The following CRPPA variants were observed in gnomAD, a reference collection of about 807,000 sequenced individuals.
CRPPA encodes CDP-L-ribitol pyrophosphorylase A, also known as D-ribitol-5-phosphate cytidylyltransferase.
Under a neutral mutation model 52.0 loss-of-function variants are expected in CRPPA, and 43 were observed. That is an observed-to-expected ratio of 0.83 (90% CI 0.65 to 1.07). The LOEUF (loss-of-function observed/expected upper bound fraction) is 1.07. CRPPA is among the 50% of genes least tolerant of loss of function. The pLI, the probability that CRPPA is intolerant of heterozygous loss-of-function variation, is 0.00. For missense variants in CRPPA, 629 were observed against 551.7 expected, an observed-to-expected ratio of 1.14 and a Z score of -1.40; for synonymous variants, 250 against 203.5, an observed-to-expected ratio of 1.23 and a Z score of -1.94.
chr7:16,139,161 G>C (rs984009325), intron 9 of CRPPA, among the ~76,000 whole-genome samples: 1 of 152,170 alleles, frequency 6.6e-6, no homozygotes, highest in Non-Finnish European at 1.5e-5. Context: ...AATAATTGAG[G>C]AAGAGGCAGC....
chr7:16,206,177 C>T (rs755703051), intron 9 of CRPPA, among the ~76,000 whole-genome samples: 1 of 152,028 alleles, frequency 6.6e-6, no homozygotes, highest in African/African-American at 2.4e-5. Context: ...AGAAGCATAT[C>T]CCCAGTGGAG....
chr7:16,413,633 G>C lies in CRPPA; in HGVS notation c.258-7296C>G, dbSNP rs189527146. 1.7e-3 allele frequency among the ~76,000 whole-genome samples: 258 copies of C among 152,262 alleles called. 1 individual carries two copies. Among genetic ancestry groups the C allele is most frequent in the Non-Finnish European group, 3.1e-3 (209 of 68,000 alleles). ...TGGACTAACATTTATATCTTTACTT[G>C]TGTATCTTGTTCAACAGAATTTGCT... On this transcript the variant is annotated intron_variant, in intron 1 of 9. Transcript: ENST00000407010.
rs1781836239 is a variant in CRPPA, at chr7:16,091,505, C to T, written c.*190G>A. Reference sequence around the variant, plus strand: ...GTTCAGGCAATTAATATTTGTCATACACAAAAGTATTCTTTATTTCACAGA... The same window carrying T: ...GTTCAGGCAATTAATATTTGTCATATACAAAAGTATTCTTTATTTCACAGA... On this transcript the variant is annotated 3_prime_UTR_variant, in exon 10 of 10. Transcript: ENST00000407010. The T allele has an allele frequency of 2.2e-6, 1 of 460,010 alleles. No homozygotes were observed. The highest frequency in any genetic ancestry group is 2.1e-5 in the African/African-American group (1 of 48,240). The allele number at this position is 460,010 out of a possible 1,614,324, so 28.5% of individuals were successfully genotyped here.
At chr7:16,125,513 G>A (rs1782560829) in intron 9 of CRPPA, among the ~76,000 whole-genome samples, 1 of 151,964 alleles carries the variant, frequency 6.6e-6, no homozygotes, top group African/African-American at 2.4e-5. Context: ...GAGTCAACTA[G>A]AGAGTAATCA....
At chr7:16,096,094 G>C (rs1415926289) in intron 9 of CRPPA, among the ~76,000 whole-genome samples, 1 of 152,104 alleles carries the variant, frequency 6.6e-6, no homozygotes, top group African/African-American at 2.4e-5. Flanking sequence ...AATCCGACCA[G>C]CCCTAAGAAA....
At chr7:16,328,020 T>G (rs1270930978) in intron 3 of CRPPA, among the ~76,000 whole-genome samples, 1 of 152,226 alleles carries the variant, frequency 6.6e-6, no homozygotes, top group African/African-American at 2.4e-5. Flanking sequence ...GCAGATGAGA[T>G]TTCCTGTTTT....
rs116531462 is a variant in CRPPA at position 16,397,073 on chromosome 7, A to G, written c.534+8988T>C. Among the ~76,000 whole-genome samples the G allele has an allele frequency of 3.3e-3, 499 of 152,336 alleles. 2 individuals are homozygous for G. The highest frequency in any genetic ancestry group is 0.011 in the African/African-American group (474 of 41,582). ...TGACACATGGGACAGGTGGGAGAAA[A>G]CACATGACATGGAAGACACACGTGT... On this transcript the variant is annotated intron_variant, in intron 2 of 9. Transcript: ENST00000407010.
At chr7:16,384,070 A>G (rs1217787903) in intron 2 of CRPPA, among the ~76,000 whole-genome samples, 1 of 152,120 alleles carries the variant, frequency 6.6e-6, no homozygotes, top group Admixed American at 6.5e-5. Context: ...AAATGCAGAA[A>G]TCACCCGTCT....
chr7:16,302,502 G>A lies in CRPPA; in HGVS notation c.790-1036C>T, dbSNP rs1399272566. 3.3e-5 allele frequency among the ~76,000 whole-genome samples: 5 copies of A among 151,988 alleles called. No homozygotes were observed. The East Asian group carries it at 9.7e-4, about 29-fold the overall frequency. ...AGAGCTGAAATACATAGTAAATAAT[G>A]ACACAGTATAAATAAGCTTTTATAA... On this transcript the variant is annotated intron_variant, in intron 4 of 9. Transcript: ENST00000407010.
At chr7:16,356,441 CT>C in intron 3 of CRPPA, among the ~76,000 whole-genome samples, 1 of 152,104 alleles carries the variant, frequency 6.6e-6, no homozygotes, top group African/African-American at 2.4e-5. Context: ...TCTGGTTTTC[CT>C]CTTTTTAAAC....
chr7:16,187,494 T>A (rs1476050474), intron 9 of CRPPA, among the ~76,000 whole-genome samples: 1 of 152,298 alleles, frequency 6.6e-6, no homozygotes, highest in African/African-American at 2.4e-5. Context: ...CCTTTTCAAG[T>A]CTAACTTTTG....
chr7:16,325,247 CCTT>C (rs769043210), intron 3 of CRPPA, among the ~76,000 whole-genome samples: 7 of 152,140 alleles, frequency 4.6e-5, no homozygotes, highest in Non-Finnish European at 8.8e-5. Flanking sequence ...GCTATGTACT[CCTT>C]CTTTGAGCTG....
chr7:16,242,443 C>G (rs751144201), intron 8 of CRPPA, among the ~76,000 whole-genome samples: 1 of 152,086 alleles, frequency 6.6e-6, no homozygotes, highest in Non-Finnish European at 1.5e-5. Context: ...TCTTTTGTGA[C>G]AGGTCACCAC....
chr7:16,332,143 T>C (rs1327728909), intron 3 of CRPPA, among the ~76,000 whole-genome samples: 1 of 152,134 alleles, frequency 6.6e-6, no homozygotes, highest in Non-Finnish European at 1.5e-5. Context: ...GCAAGCAGGA[T>C]TGTTGAGTAA....
At chr7:16,285,307 A>G (rs1489097534) in intron 5 of CRPPA, among the ~76,000 whole-genome samples, 1 of 152,154 alleles carries the variant, frequency 6.6e-6, no homozygotes, top group East Asian at 1.9e-4. Context: ...TAAATTATAA[A>G]TTATTTAGAT....
chr7:16,123,746 C>A (rs773256492), intron 9 of CRPPA, among the ~76,000 whole-genome samples: 1 of 152,100 alleles, frequency 6.6e-6, no homozygotes, highest in Non-Finnish European at 1.5e-5. Context: ...GATTGTTTAA[C>A]CGCTTTACTT....
intron 2 of CRPPA, among the ~76,000 whole-genome samples, chr7:16,391,817 C>T (rs1787453381): frequency 6.6e-6 from 1 of 152,136 alleles, no homozygotes; most frequent in Non-Finnish European, 1.5e-5. Flanking sequence ...ATAAGGGTTA[C>T]ATTAGTGAAT....
At chr7:16,372,136 T>G (rs1786765462) in intron 3 of CRPPA, among the ~76,000 whole-genome samples, 1 of 152,176 alleles carries the variant, frequency 6.6e-6, no homozygotes, top group Non-Finnish European at 1.5e-5. Flanking sequence ...GAGGAAATAA[T>G]TGAGGAAAAC....
At chr7:16,213,281 T>C (rs937153214) in intron 9 of CRPPA, among the ~76,000 whole-genome samples, 2 of 152,202 alleles carry the variant, frequency 1.3e-5, no homozygotes, top group Admixed American at 6.5e-5. Flanking sequence ...AAAGTTTGCT[T>C]AATAATGAAA....
Sources: gnomAD v4.1 joint callset for allele counts (sites outside exome capture counted in the v4.1 genomes callset) on GRCh38, gnomAD v4.1.1 for gene constraint, MANE v1.5 for transcripts, NCBI Gene and HGNC (gene_info 2026-07-23, HGNC 2026-07-21) for gene names.